Variants in PIGN observed in about 807,000 individuals in gnomAD.
The protein encoded by PIGN is phosphatidylinositol glycan anchor biosynthesis class N, also known as GPI ethanolamine phosphate transferase 1.
A neutral mutation model predicts 125.4 loss-of-function variants in PIGN; 117 were observed. The observed-to-expected ratio is 0.93, with a 90% CI of 0.80 to 1.09. The LOEUF (loss-of-function observed/expected upper bound fraction) is 1.09. Ranked by LOEUF, PIGN falls within the 50% of genes least tolerant of loss-of-function variation. PIGN has a pLI of 0.00. For synonymous variants in PIGN, 392 were observed against 377.8 expected, an observed-to-expected ratio of 1.04 and a Z score of -0.44; for missense variants, 1,075 against 1,094.9, an observed-to-expected ratio of 0.98 and a Z score of 0.26.
downstream of PIGN, among the ~76,000 whole-genome samples, chr18:62,036,830 C>A (rs2030268010): frequency 6.6e-6 from 1 of 152,204 alleles, no homozygotes; most frequent in East Asian, 1.9e-4. Context: ...CCATAACTTT[C>A]ATTGCTGGTC....
chr18:62,030,924 G>A (rs890697509), intron 23 of PIGN, among the ~76,000 whole-genome samples: 2 of 152,124 alleles, frequency 1.3e-5, no homozygotes, highest in Non-Finnish European at 2.9e-5. Context: ...GTGGGAGGAT[G>A]GCTTGAGCCC....
intron 22 of PIGN, among the ~76,000 whole-genome samples, chr18:62,097,671 GA>G (rs960116115): frequency 2.0e-5 from 3 of 152,088 alleles, no homozygotes; most frequent in African/African-American, 7.2e-5. Context: ...TTAGTTCAAA[GA>G]CAACTTACTC....
chr18:62,066,025 G>A (rs1392854365), intron 30 of PIGN, among the ~76,000 whole-genome samples: 2 of 152,028 alleles, frequency 1.3e-5, no homozygotes, highest in East Asian at 1.9e-4. Flanking sequence ...GCCCTTTTGG[G>A]TCTTACTCAA....
At chr18:62,119,634 A>C (rs565797032) in intron 14 of PIGN, among the ~76,000 whole-genome samples, 2 of 152,296 alleles carry the variant, frequency 1.3e-5, no homozygotes, top group East Asian at 3.9e-4. Flanking sequence ...ACTTGAGGTC[A>C]GGAGTTTGAG....
intron 30 of PIGN, among the ~76,000 whole-genome samples, chr18:62,068,804 C>T (rs959415599): frequency 4.6e-5 from 7 of 152,264 alleles, no homozygotes; most frequent in Admixed American, 2.0e-4. Flanking sequence ...CACCTTCTCT[C>T]ACTCTACACA....
intron 1 of PIGN, among the ~76,000 whole-genome samples, chr18:62,179,918 C>A (rs56112753): frequency 0.16 from 24,985 of 152,114 alleles, 2,749 homozygotes; most frequent in Middle Eastern, 0.29. Context: ...CTAATCAGTA[C>A]TACCAAAAAA....
intron 7 of PIGN, among the ~76,000 whole-genome samples, chr18:62,152,508 G>A (rs984305707): frequency 6.6e-6 from 1 of 151,932 alleles, no homozygotes; most frequent in Non-Finnish European, 1.5e-5. Flanking sequence ...TGGGGGAGAG[G>A]TGCTTAGAAT....
downstream of PIGN, among the ~76,000 whole-genome samples, chr18:62,040,879 T>C (rs1027882709): frequency 6.6e-6 from 1 of 152,202 alleles, no homozygotes; most frequent in Non-Finnish European, 1.5e-5. Context: ...CTGAACATTA[T>C]CTGCTTAAAG....
chr18:62,102,898 C>T lies in PIGN; in HGVS notation c.1864G>A (p.Gly622Ser), dbSNP rs751201901. ...GRKPDISLVMGAGLLVLLLSL... is the reference protein window; with the variant it reads ...GRKPDISLVMSAGLLVLLLSL... ...AACAGAAGAACCAGCAAGCCTGCAC[C>T]CATCCTGTTTTGAAATACAATTAAT... The change falls in exon 21 of 31, where the codon GGT becomes AGT. Residue 622 changes from glycine to serine, a missense_variant. By Grantham distance (56) the Gly-to-Ser change is moderately conservative (BLOSUM62 0). This residue lies in a region of PIGN where 915 missense variants were observed against 908.7 expected (regional missense o/e 1.01). Coordinates refer to ENST00000640252, the MANE Select transcript of PIGN (RefSeq NM_176787.5). 1 of 1,542,742 alleles carries T rather than the reference C, an allele frequency of 6.5e-7. No individual in the cohort carries two copies. The highest frequency in any genetic ancestry group is 1.4e-5 in the African/African-American group (1 of 72,206).
At chr18:62,120,003 G>A (rs1177236396) in intron 14 of PIGN, among the ~76,000 whole-genome samples, 1 of 152,168 alleles carries the variant, frequency 6.6e-6, no homozygotes, top group African/African-American at 2.4e-5. Flanking sequence ...TGGAATACCA[G>A]AGAGGGAGAG....
At chr18:62,122,411 T>C (rs9319998) in intron 14 of PIGN, among the ~76,000 whole-genome samples, 88,485 of 151,962 alleles carry the variant, frequency 0.58, 26,541 homozygotes, top group East Asian at 0.79. Flanking sequence ...ATTAATATTT[T>C]TTTTATAATA....
rs1011115707 is a variant in PIGN, at chr18:62,045,028, G to A, written c.*828C>T. ...TTTAACAGGAGTTATTTTAACTCCTGTTAAAATAATAGATGACAGTAAAAA... is the reference window on the plus strand; with the variant it reads ...TTTAACAGGAGTTATTTTAACTCCTATTAAAATAATAGATGACAGTAAAAA... On this transcript the variant is annotated 3_prime_UTR_variant, in exon 31 of 31. Coordinates refer to ENST00000640252, the MANE Select transcript of PIGN (RefSeq NM_176787.5). 11 of 152,002 alleles carry A rather than the reference G, an allele frequency of 7.2e-5. No homozygotes were observed. The highest frequency in any genetic ancestry group is 1.2e-4 in the Non-Finnish European group (8 of 68,012). The allele number at this position is 152,002 out of a possible 1,614,324, so 9.4% of individuals were successfully genotyped here.
intron 30 of PIGN, among the ~76,000 whole-genome samples, chr18:62,050,480 C>T (rs1027216372): frequency 2.4e-4 from 37 of 152,028 alleles, no homozygotes; most frequent in African/African-American, 8.7e-4. Context: ...TGGGAGTTCA[C>T]TCATGATTTG....
intron 17 of PIGN, among the ~76,000 whole-genome samples, chr18:62,109,112 AT>A (rs902452277): frequency 8.5e-5 from 13 of 152,156 alleles, no homozygotes; most frequent in African/African-American, 3.1e-4. Flanking sequence ...TAAATTATAG[AT>A]TACTGGTGTA....
intron 14 of PIGN, among the ~76,000 whole-genome samples, chr18:62,121,253 GGA>G (rs2035293175): frequency 6.6e-6 from 1 of 152,120 alleles, no homozygotes; most frequent in Non-Finnish European, 1.5e-5. Flanking sequence ...TTTAGTCTTA[GGA>G]AAAGTTGTTC....
chr18:62,019,928 G>A (rs946199828), intron 23 of PIGN, among the ~76,000 whole-genome samples: 15 of 152,368 alleles, frequency 9.8e-5, no homozygotes, highest in Middle Eastern at 3.4e-3. Context: ...ATAGCACAGC[G>A]TTGCTGCTGA....
At chr18:62,038,881 G>A (rs2030296936), downstream of PIGN, among the ~76,000 whole-genome samples, 1 of 151,716 alleles carries the variant, frequency 6.6e-6, no homozygotes, top group Non-Finnish European at 1.5e-5. Context: ...TTGTACCACT[G>A]CACTACAGCT....
intron 28 of PIGN, among the ~76,000 whole-genome samples, chr18:62,076,195 A>T (rs1227521369): frequency 1.3e-5 from 2 of 152,156 alleles, no homozygotes; most frequent in African/African-American, 4.8e-5. Context: ...GGCCTCCCAA[A>T]GTGCTGGGAT....
chr18:62,118,953 T>C (rs17642375), intron 14 of PIGN, among the ~76,000 whole-genome samples: 35,978 of 150,328 alleles, frequency 0.24, 4,529 homozygotes, highest in Middle Eastern at 0.38. Flanking sequence ...AAGAAGAATG[T>C]CCCTGAAAAG....
Sources: gnomAD v4.1 joint callset for allele counts (sites outside exome capture counted in the v4.1 genomes callset) on GRCh38, gnomAD v4.1.1 for gene constraint, gnomAD v4.1.1 regional missense constraint, MANE v1.5 for transcripts, NCBI Gene and HGNC (gene_info 2026-07-23, HGNC 2026-07-21) for gene names.